Variants in BRD7 observed in about 807,000 individuals in gnomAD.
BRD7 encodes the protein bromodomain-containing protein 7.
BRD7 carries 15 observed loss-of-function variants against 82.1 expected under a neutral mutation model. That is an observed-to-expected ratio of 0.18 (90% CI 0.12 to 0.28). The LOEUF is 0.28. Among genes scored for constraint, BRD7 ranks in the 10% least tolerant of loss-of-function variants. The pLI, the probability that BRD7 is intolerant of heterozygous loss-of-function variation, is 1.00. For synonymous variants in BRD7, 232 were observed against 266.9 expected (o/e 0.87, Z 1.27); for missense variants, 638 against 779.9 (o/e 0.82, Z 2.17).
chr16:50,337,714 G>C (rs533979771), intron 6 of BRD7, among the ~76,000 whole-genome samples: 1 of 152,154 alleles, frequency 6.6e-6, no homozygotes, highest in East Asian at 1.9e-4. Context: ...GGGTGTGCTG[G>C]GCTCTCTTGG....
intron 5 of BRD7, among the ~76,000 whole-genome samples, chr16:50,342,427 G>T (rs566067437): frequency 1.4e-5 from 2 of 141,246 alleles, no homozygotes; most frequent in Non-Finnish European, 3.1e-5. Flanking sequence ...ATATGTGGAT[G>T]AAAAAAGGGA....
chr16:50,333,730 AAAC>A lies in BRD7; in HGVS notation c.888-36_888-34del, dbSNP rs767208343. On this transcript the variant is annotated intron_variant, in intron 7 of 16. Coordinates refer to ENST00000394688, the MANE Select transcript of BRD7 (RefSeq NM_013263.5). ...TATACATTAATACTAAGTAAAAAAAAAACAAAGATAAGTAAGATGAAAACATTC... is the reference window on the plus strand; with the variant it reads ...TATACATTAATACTAAGTAAAAAAAAAAAGATAAGTAAGATGAAAACATTC... 71 of 1,454,890 alleles carry A rather than the reference AAAC, an allele frequency of 4.9e-5. 1 individual carries two copies. The highest frequency in any genetic ancestry group is 4.5e-4 in the African/African-American group (31 of 69,628). The allele number at this position is 1,454,890 out of a possible 1,614,324, so 90.1% of individuals were successfully genotyped here. A position where few individuals can be genotyped will look rare whatever the true frequency, so the allele number is the denominator to read the frequency against.
At chr16:50,331,572 C>T (rs2037566926) in intron 8 of BRD7, among the ~76,000 whole-genome samples, 3 of 152,164 alleles carry the variant, frequency 2.0e-5, no homozygotes, top group Admixed American at 2.0e-4. Flanking sequence ...CATGGTGTCA[C>T]GCACCTGTAC....
At position 50,319,279 on chromosome 16, in the gene BRD7, G is replaced by T. The variant is rs1300638824; in HGVS notation, c.1901-13C>A. ...GGTTCTTCAGTGTCTGAAAGAAAAAGACATCACTTAATTCAACATTGTTTT... is the reference window on the plus strand; with the variant it reads ...GGTTCTTCAGTGTCTGAAAGAAAAATACATCACTTAATTCAACATTGTTTT... On this transcript the variant is annotated splice_polypyrimidine_tract_variant and intron_variant, in intron 16 of 16. Transcript: ENST00000394688. 1.9e-6 allele frequency: 3 copies of T among 1,611,508 alleles called. No individual in the cohort carries two copies. Among genetic ancestry groups the T allele is most frequent in the East Asian group, 2.2e-5 (1 of 44,854 alleles).
At chr16:50,361,492 C>A (rs1365637017) in intron 2 of BRD7, among the ~76,000 whole-genome samples, 1 of 152,178 alleles carries the variant, frequency 6.6e-6, no homozygotes, top group Non-Finnish European at 1.5e-5. Context: ...GGACTATGTT[C>A]TTCAGAACAG....
intron 8 of BRD7, among the ~76,000 whole-genome samples, chr16:50,329,018 TATGTC>T (rs2037452081): frequency 1.3e-5 from 2 of 152,332 alleles, no homozygotes; most frequent in South Asian, 4.1e-4. Flanking sequence ...AGTTTCCACT[TATGTC>T]ATCATGTCGG....
chr16:50,316,070 ACT>A lies in BRD7; in HGVS notation c.*3139_*3140del, dbSNP rs2036785285. On this transcript the variant is annotated 3_prime_UTR_variant, in exon 17 of 17. Coordinates refer to ENST00000394688, the MANE Select transcript of BRD7 (RefSeq NM_013263.5). ...TAGAGAGAAAAACACCACAATTAACACTGTTACTTTTTGCCTTGTCTGGCATG... is the reference window on the plus strand; with the variant it reads ...TAGAGAGAAAAACACCACAATTAACAGTTACTTTTTGCCTTGTCTGGCATG... 6.5e-6 allele frequency: 1 copy of A among 152,766 alleles called. No homozygotes were observed. Among genetic ancestry groups the A allele is most frequent in the African/African-American group, 2.4e-5 (1 of 41,422 alleles). 9.5% of individuals were successfully genotyped at this position (152,766 alleles called of 1,614,324 possible).
chr16:50,368,785 G>A lies in BRD7; in HGVS notation c.-11C>T. ...GTGCTTCTTGCCCATGTCCGACCGG[G>A]CCCCGGTGCCCGCCCCCCGCGCCAG... On this transcript the variant is annotated 5_prime_UTR_variant, in exon 1 of 17. Transcript: ENST00000394688. 1 of 1,526,670 alleles carries A rather than the reference G, an allele frequency of 6.6e-7. No homozygotes were observed. Among genetic ancestry groups the A allele is most frequent in the African/African-American group, 1.4e-5 (1 of 69,192 alleles). The allele number at this position is 1,526,670 out of a possible 1,614,324, so 94.6% of individuals were successfully genotyped here. A position where few individuals can be genotyped will look rare whatever the true frequency, so the allele number is the denominator to read the frequency against.
At chr16:50,350,774 CT>C (rs1231157617) in intron 4 of BRD7, among the ~76,000 whole-genome samples, 1 of 152,146 alleles carries the variant, frequency 6.6e-6, no homozygotes, top group African/African-American at 2.4e-5. Flanking sequence ...AAAACTAGTG[CT>C]TTTCATCACA....
chr16:50,365,176 G>T (rs888477474), intron 2 of BRD7, among the ~76,000 whole-genome samples: 1 of 152,232 alleles, frequency 6.6e-6, no homozygotes, highest in Non-Finnish European at 1.5e-5. Flanking sequence ...CCAAAATAAG[G>T]AGAAATGCCA....
intron 4 of BRD7, among the ~76,000 whole-genome samples, chr16:50,352,354 T>C (rs948262494): frequency 2.6e-5 from 4 of 152,258 alleles, no homozygotes; most frequent in Non-Finnish European, 5.9e-5. Flanking sequence ...GGTTCATCCA[T>C]GTTGTTACAA....
chr16:50,352,774 T>C (rs1178727545), intron 4 of BRD7, among the ~76,000 whole-genome samples: 1 of 151,640 alleles, frequency 6.6e-6, no homozygotes, highest in African/African-American at 2.4e-5. Flanking sequence ...TGCATTTCTC[T>C]GATTATTAGT....
At chr16:50,347,861 A>G (rs1166498295) in intron 5 of BRD7, among the ~76,000 whole-genome samples, 2 of 152,220 alleles carry the variant, frequency 1.3e-5, no homozygotes, top group Non-Finnish European at 2.9e-5. Context: ...ATTCAATGCC[A>G]TCCCCATCAA....
At chr16:50,322,342 G>A (rs2037156646) in intron 12 of BRD7, among the ~76,000 whole-genome samples, 1 of 152,144 alleles carries the variant, frequency 6.6e-6, no homozygotes, top group African/African-American at 2.4e-5. Flanking sequence ...GTTTTTATCA[G>A]AAAAATCCCT....
rs1166620718 is a variant in BRD7 at position 50,318,234 on chromosome 16, T to TTAAG, written c.*973_*976dup. 1.3e-5 allele frequency: 2 copies of TTAAG among 152,212 alleles called. No individual in the cohort carries two copies. Among genetic ancestry groups the TTAAG allele is most frequent in the African/African-American group, 4.8e-5 (2 of 41,442 alleles). The allele number at this position is 152,212 out of a possible 1,614,324, so 9.4% of individuals were successfully genotyped here. A position where few individuals can be genotyped will look rare whatever the true frequency, so the allele number is the denominator to read the frequency against. On this transcript the variant is annotated 3_prime_UTR_variant, in exon 17 of 17. Transcript: ENST00000394688. ...AATTTGACTCTTTTAGCATAAGATT[T>TTAAG]TAAGTCTTTTGAGGGAATTAATTTT...
At chr16:50,323,480 CAG>C (rs2037204949) in intron 12 of BRD7, 105 bp downstream of exon 12, 1 of 949,762 alleles carries the variant, frequency 1.1e-6, no homozygotes, top group Non-Finnish European at 1.6e-6. Flanking sequence ...TTCAGGGCCA[CAG>C]AGTTCAGCTG....
At chr16:50,323,868 G>C (rs773518456) in intron 11 of BRD7, among the ~76,000 whole-genome samples, 170 bp from the exon 12 acceptor site, 33 of 152,140 alleles carry the variant, frequency 2.2e-4, no homozygotes, top group Non-Finnish European at 4.1e-4. Flanking sequence ...ATTATCATGA[G>C]ATAATATGAA....
intron 12 of BRD7, 102 bp from the exon 13 acceptor site, chr16:50,322,140 AC>A: frequency 1.2e-6 from 1 of 833,158 alleles, no homozygotes. Flanking sequence ...GAAAATGAAT[AC>A]AAATATGGAC....
chr16:50,336,000 C>G (rs767423989), intron 6 of BRD7, among the ~76,000 whole-genome samples: 1 of 152,162 alleles, frequency 6.6e-6, no homozygotes, highest in Admixed American at 6.5e-5. Context: ...CAGAGAAGAA[C>G]AGTGTTAACA....
Sources: gnomAD v4.1 joint callset for allele counts (sites outside exome capture counted in the v4.1 genomes callset) on GRCh38, gnomAD v4.1.1 for gene constraint, MANE v1.5 for transcripts, NCBI Gene and HGNC (gene_info 2026-07-23, HGNC 2026-07-21) for gene names.